Variants in POC5 observed in about 807,000 individuals in gnomAD.
The protein encoded by POC5 is POC5 centriolar protein.
A neutral mutation model predicts 62.9 loss-of-function variants in POC5; 48 were observed. That is an observed-to-expected ratio of 0.76 (90% confidence interval 0.61 to 0.97). POC5 has a LOEUF of 0.97. Ranked by LOEUF, POC5 falls within the 50% of genes least tolerant of loss-of-function variation. The pLI is 0.00. For missense variants in POC5, 696 were observed against 679.5 expected (o/e 1.02, Z -0.27); for synonymous variants, 236 against 228.2 (o/e 1.03, Z -0.31).
At chr5:75,675,584 A>G (rs1775619053) in intron 11 of POC5, among the ~76,000 whole-genome samples, 1 of 152,230 alleles carries the variant, frequency 6.6e-6, no homozygotes, top group Non-Finnish European at 1.5e-5. Context: ...TTAAAGAAAA[A>G]TAACTTCTTT....
intron 10 of POC5, among the ~76,000 whole-genome samples, chr5:75,678,701 C>T (rs1476618210): frequency 3.3e-5 from 5 of 152,052 alleles, no homozygotes; most frequent in African/African-American, 9.7e-5. Context: ...TTTTCTATTA[C>T]ATTTAGCACA....
intron 1 of POC5, among the ~76,000 whole-genome samples, chr5:75,715,817 C>G (rs1005274478): frequency 1.3e-5 from 2 of 152,152 alleles, no homozygotes; most frequent in African/African-American, 2.4e-5. Context: ...GCCAGAACCA[C>G]TAACATCTAA....
At position 75,690,482 on chromosome 5, in the gene POC5, CA is replaced by C; in HGVS notation, c.875del (p.Val292GlyfsTer9). The C allele has an allele frequency of 6.2e-7, 1 of 1,609,420 alleles. No homozygotes were observed. The highest frequency in any genetic ancestry group is 1.1e-5 in the South Asian group (1 of 90,208). ...KKVWKVWRSV[V>X]QKQWKDVVER... ...CTACCACATCTTTCCACTGCTTTTG[CA>C]CTACGGAACGCCAGACTTTCCAGAC... On this transcript the variant is annotated frameshift_variant, in exon 8 of 12. Transcript: ENST00000428202. LOFTEE classifies it high-confidence loss of function.
chr5:75,711,273 C>A (rs1191421680), intron 2 of POC5, among the ~76,000 whole-genome samples: 2 of 151,922 alleles, frequency 1.3e-5, no homozygotes, highest in East Asian at 3.9e-4. Flanking sequence ...ATTTTGCCCC[C>A]CTCCCCAACC....
rs78977188 is a variant in POC5 at position 75,693,532 on chromosome 5, T to C, written c.691-1032A>G. 7.2e-3 allele frequency among the ~76,000 whole-genome samples: 1,089 copies of C among 152,276 alleles called. 14 individuals carry two copies. The highest frequency in any genetic ancestry group is 0.024 in the East Asian group (122 of 5,190). On this transcript the variant is annotated intron_variant, in intron 6 of 11. Coordinates refer to ENST00000428202, the MANE Select transcript of POC5 (RefSeq NM_001099271.2). ...GAACATATGATATCTATATTCTTTG[T>C]GATACTTCAAAATAAAAAAATTAAA...
At position 75,687,688 on chromosome 5, in the gene POC5, AT is replaced by A. The variant is rs532004423; in HGVS notation, c.1129+1323del. Among the ~76,000 whole-genome samples, 11 of 152,364 alleles carry A rather than the reference AT, an allele frequency of 7.2e-5. No individual in the cohort carries two copies. The East Asian group carries it at 2.1e-3, about 29-fold the overall frequency. On this transcript the variant is annotated intron_variant, in intron 9 of 11. Coordinates refer to ENST00000428202, the MANE Select transcript of POC5 (RefSeq NM_001099271.2). ...GATGGTAAATGTATTAAGGTGGGAA[AT>A]ACTCCTAAGTCAATTCAAAATCTTT...
intron 9 of POC5, among the ~76,000 whole-genome samples, chr5:75,688,747 A>G (rs1011034159): frequency 1.5e-4 from 23 of 152,228 alleles, no homozygotes; most frequent in African/African-American, 5.3e-4. Flanking sequence ...AATGCTATAC[A>G]TTAAAATATT....
intron 5 of POC5, among the ~76,000 whole-genome samples, chr5:75,701,139 A>C (rs1321412875): frequency 7.5e-6 from 1 of 134,096 alleles, no homozygotes; most frequent in Non-Finnish European, 1.7e-5. Context: ...AAACTAGTTC[A>C]ACCATTGTGG....
intron 4 of POC5, among the ~76,000 whole-genome samples, chr5:75,704,995 T>C (rs575760440): frequency 1.3e-5 from 2 of 151,496 alleles, no homozygotes; most frequent in South Asian, 4.2e-4. Context: ...ATCTTAGGAG[T>C]TTGAGACCAG....
intron 1 of POC5, among the ~76,000 whole-genome samples, chr5:75,714,386 A>G (rs1215589462): frequency 1.3e-5 from 2 of 152,154 alleles, no homozygotes; most frequent in Admixed American, 6.5e-5. Flanking sequence ...TCAAAAAAAA[A>G]AGAGAGAGAG....
chr5:75,685,497 A>T lies in POC5; in HGVS notation c.1130-13T>A, dbSNP rs17563610. ...GTGGAGTCTATCCCTATAAATCACAAATTAATTCCATTCAAATTCTTCCAG... is the reference window on the plus strand; with the variant it reads ...GTGGAGTCTATCCCTATAAATCACATATTAATTCCATTCAAATTCTTCCAG... On this transcript the variant is annotated splice_polypyrimidine_tract_variant and intron_variant, in intron 9 of 11. Transcript: ENST00000428202. 314,360 of 1,591,704 alleles carry T rather than the reference A, an allele frequency of 0.2. 32,046 individuals are homozygous for T. The highest frequency in any genetic ancestry group is 0.21 in the South Asian group (19,206 of 90,274).
chr5:75,712,837 T>A lies in POC5; in HGVS notation c.84+17A>T. 6.4e-7 allele frequency: 1 copy of A among 1,574,172 alleles called. No individual in the cohort carries two copies. Among genetic ancestry groups the A allele is most frequent in the Non-Finnish European group, 8.6e-7 (1 of 1,157,862 alleles). On this transcript the variant is annotated intron_variant, in intron 2 of 11. Coordinates refer to ENST00000428202, the MANE Select transcript of POC5 (RefSeq NM_001099271.2). ...AAAATAAAAAAAGTCATGGTAAATTTAGAAATTTTTTCCTACCTGAAGATT... is the reference window on the plus strand; with the variant it reads ...AAAATAAAAAAAGTCATGGTAAATTAAGAAATTTTTTCCTACCTGAAGATT...
intron 2 of POC5, 38 bp downstream of exon 2, chr5:75,712,816 T>TA: frequency 6.9e-7 from 1 of 1,448,310 alleles, no homozygotes; most frequent in Non-Finnish European, 9.5e-7. Flanking sequence ...TTGTTTAAAA[T>TA]AAAAAAAGTC....
chr5:75,682,682 A>G (rs186982872), intron 10 of POC5, among the ~76,000 whole-genome samples: 136 of 151,764 alleles, frequency 9.0e-4, no homozygotes, highest in African/African-American at 3.2e-3. Flanking sequence ...CGCCCGGCTA[A>G]TTTTTTTGTA....
chr5:75,693,139 ATAAT>A (rs1381869210), intron 6 of POC5, among the ~76,000 whole-genome samples: 5 of 147,694 alleles, frequency 3.4e-5, no homozygotes, highest in Non-Finnish European at 7.4e-5. Context: ...GTAAATATAT[ATAAT>A]TAATGTTATA....
At chr5:75,708,237 C>T (rs756382748) in intron 2 of POC5, among the ~76,000 whole-genome samples, 27 of 151,910 alleles carry the variant, frequency 1.8e-4, no homozygotes, top group Non-Finnish European at 3.4e-4. Context: ...GTTGTAGCTA[C>T]TCAGGAGGCT....
chr5:75,712,285 C>A (rs1306799777), intron 2 of POC5: 2 of 1,385,802 alleles, frequency 1.4e-6, no homozygotes, highest in Non-Finnish European at 1.0e-6. Flanking sequence ...CTCCAGAAAT[C>A]TAAATCCATA....
At position 75,705,791 on chromosome 5, in the gene POC5, C is replaced by G. The variant is rs755069209; in HGVS notation, c.224-4G>C. The G allele has an allele frequency of 6.6e-7, 1 of 1,521,170 alleles. No homozygotes were observed. The highest frequency in any genetic ancestry group is 8.8e-7 in the Non-Finnish European group (1 of 1,134,564). The allele number at this position is 1,521,170 out of a possible 1,614,324, so 94.2% of individuals were successfully genotyped here. A position where few individuals can be genotyped will look rare whatever the true frequency, so the allele number is the denominator to read the frequency against. ...TCTCTTACTTCAGAGTTATTTCCTG[C>G]CAAAAAGAAAGCTTTTTAAAATTAA... On this transcript the variant is annotated splice_polypyrimidine_tract_variant and splice_region_variant and intron_variant, in intron 3 of 11. Transcript: ENST00000428202.
chr5:75,706,523 A>C (rs1777126677), intron 3 of POC5, among the ~76,000 whole-genome samples: 1 of 152,136 alleles, frequency 6.6e-6, no homozygotes, highest in Non-Finnish European at 1.5e-5. Flanking sequence ...CTTAAATCCC[A>C]GATGATTACC....
Sources: allele counts gnomAD v4.1 joint callset (sites outside exome capture counted in the v4.1 genomes callset), GRCh38; gene constraint gnomAD v4.1.1; transcripts MANE v1.5; gene names NCBI Gene and HGNC (gene_info 2026-07-23, HGNC 2026-07-21).